The following CREB5 variants were observed in gnomAD, a reference collection of about 807,000 sequenced individuals.
CREB5 encodes the protein cAMP responsive element binding protein 5.
CREB5 carries 19 observed loss-of-function variants against 57.1 expected under a neutral mutation model. The observed-to-expected ratio is 0.33, with a 90% confidence interval of 0.23 to 0.49. The LOEUF is 0.49. Ranked by LOEUF, CREB5 falls within the 20% of genes least tolerant of loss-of-function variation. The pLI is 0.99. For synonymous variants in CREB5, 238 were observed against 238.3 expected (o/e 1.00, Z 0.01); for missense variants, 579 against 671.6 (o/e 0.86, Z 1.52).
At chr7:28,551,861 T>C (rs1794661248) in intron 4 of CREB5, among the ~76,000 whole-genome samples, 1 of 144,274 alleles carries the variant, frequency 6.9e-6, no homozygotes. Flanking sequence ...CTTTCTTTTC[T>C]TTCTTTCTTT....
intron 1 of CREB5, among the ~76,000 whole-genome samples, chr7:28,307,290 A>G (rs1785208069): frequency 6.6e-6 from 1 of 152,164 alleles, no homozygotes; most frequent in African/African-American, 2.4e-5. Flanking sequence ...ATCTGATTAG[A>G]CCATGAAGGC....
At position 28,737,570 on chromosome 7, in the gene CREB5, TATATATATA is replaced by T. The variant is rs1242408759; in HGVS notation, c.702+13239_702+13247del. On this transcript the variant is annotated intron_variant, in intron 7 of 10. Coordinates refer to ENST00000357727, the MANE Select transcript of CREB5 (RefSeq NM_182898.4). ...ATATATATATATATATATATATATA[TATATATATA>T]TATATATATTTTTAACTCCTGTTTC... is the stretch of plus-strand genomic sequence containing the variant. Among the ~76,000 whole-genome samples the T allele has an allele frequency of 7.1e-3, 343 of 47,976 alleles. 4 individuals are homozygous for T. Among genetic ancestry groups the T allele is most frequent in the Non-Finnish European group, 0.013 (251 of 19,062 alleles). 31.5% of individuals were successfully genotyped at this position (47,976 alleles called of 152,430 possible).
At position 28,473,669 on chromosome 7, in the gene CREB5, G is replaced by A. The variant is rs116391769; in HGVS notation, c.4-14506G>A. On this transcript the variant is annotated intron_variant, in intron 1 of 10. Transcript: ENST00000357727. The stretch of plus-strand genomic sequence containing the variant: ...TGGCTTTCCCAGATGCCTTAAGAAC[G>A]CTGACCCTGCACTGTGCTCGGCTGA... Among the ~76,000 whole-genome samples the A allele has an allele frequency of 4.3e-3, 660 of 152,348 alleles. 11 individuals carry two copies. The highest frequency in any genetic ancestry group is 0.014 in the African/African-American group (578 of 41,594).
At chr7:28,524,988 C>T (rs757942433) in intron 4 of CREB5, among the ~76,000 whole-genome samples, 3 of 147,748 alleles carry the variant, frequency 2.0e-5, no homozygotes, top group African/African-American at 4.9e-5. Context: ...ACCCCACCCC[C>T]GACCCTTCCC....
chr7:28,535,588 A>G (rs1793930278), intron 4 of CREB5, among the ~76,000 whole-genome samples: 1 of 152,040 alleles, frequency 6.6e-6, no homozygotes, highest in South Asian at 2.1e-4. Flanking sequence ...ATATTTATGT[A>G]GTGGTTATAC....
At chr7:28,521,445 T>C (rs1298416734) in intron 4 of CREB5, among the ~76,000 whole-genome samples, 2 of 152,188 alleles carry the variant, frequency 1.3e-5, no homozygotes, top group Non-Finnish European at 2.9e-5. Flanking sequence ...GAGAGCCACA[T>C]TGGAGCTCCG....
intron 4 of CREB5, among the ~76,000 whole-genome samples, chr7:28,560,925 C>CGTGCGT (rs1298003472): frequency 3.0e-5 from 1 of 33,480 alleles, no homozygotes; most frequent in African/African-American, 1.7e-4. Context: ...CGTGTGTGCG[C>CGTGCGT]GTGCGTGTGT....
intron 5 of CREB5, among the ~76,000 whole-genome samples, chr7:28,604,120 A>G (rs1797027526): frequency 1.3e-5 from 2 of 152,226 alleles, no homozygotes; most frequent in South Asian, 2.1e-4. Flanking sequence ...AGGGAAAAAA[A>G]GAAAATTAGA....
intron 10 of CREB5, chr7:28,818,830 A>G (rs1374438543): frequency 3.8e-6 from 2 of 530,254 alleles, no homozygotes; most frequent in Non-Finnish European, 3.6e-6. Flanking sequence ...TGGCTATTTA[A>G]AAAGACAAAA....
chr7:28,525,991 A>G (rs549627225), intron 4 of CREB5, among the ~76,000 whole-genome samples: 4 of 152,362 alleles, frequency 2.6e-5, no homozygotes, highest in South Asian at 4.1e-4. Flanking sequence ...ATGTATATCC[A>G]AGAATCAGAG....
At chr7:28,446,673 G>T (rs1421617312) in intron 1 of CREB5, among the ~76,000 whole-genome samples, 1 of 151,940 alleles carries the variant, frequency 6.6e-6, no homozygotes, top group East Asian at 1.9e-4. Flanking sequence ...GTGCCTGTAG[G>T]CCCAGCTACT....
chr7:28,674,462 C>T (rs1239367331), intron 5 of CREB5, among the ~76,000 whole-genome samples: 1 of 152,180 alleles, frequency 6.6e-6, no homozygotes, highest in Non-Finnish European at 1.5e-5. Context: ...CCTTCTCTGC[C>T]CACCTCTTAC....
chr7:28,819,531 T>TA lies in CREB5; in HGVS notation c.*253dup. ...TTTTCTCCAGTTTTCTGGTACCAGT[T>TA]ACTTGTTTATAAACTGAACCTTTTC... is the stretch of plus-strand genomic sequence containing the variant. On this transcript the variant is annotated 3_prime_UTR_variant, in exon 11 of 11. Transcript: ENST00000357727. The TA allele has an allele frequency of 2.4e-6, 1 of 415,404 alleles. No homozygotes were observed. Among genetic ancestry groups the TA allele is most frequent in the African/African-American group, 2.0e-5 (1 of 49,452 alleles). The allele number at this position is 415,404 out of a possible 1,614,324, so 25.7% of individuals were successfully genotyped here. A position where few individuals can be genotyped will look rare whatever the true frequency, so the allele number is the denominator to read the frequency against.
At chr7:28,746,458 G>A (rs1225150180) in intron 7 of CREB5, among the ~76,000 whole-genome samples, 2 of 152,188 alleles carry the variant, frequency 1.3e-5, no homozygotes, top group Non-Finnish European at 2.9e-5. Context: ...CTTTAGGAAT[G>A]CAGAATCCCT....
At chr7:28,688,126 A>G (rs1279054187) in intron 5 of CREB5, among the ~76,000 whole-genome samples, 1 of 152,200 alleles carries the variant, frequency 6.6e-6, no homozygotes, top group Non-Finnish European at 1.5e-5. Context: ...ACAGGAGTAT[A>G]TCTTTCCCCA....
chr7:28,537,270 T>C (rs1448454944), intron 4 of CREB5, among the ~76,000 whole-genome samples: 1 of 152,210 alleles, frequency 6.6e-6, no homozygotes, highest in Non-Finnish European at 1.5e-5. Context: ...CAAATTAACA[T>C]ATTTGTCATC....
chr7:28,357,880 T>G (rs1786378012), intron 1 of CREB5, among the ~76,000 whole-genome samples: 1 of 151,978 alleles, frequency 6.6e-6, no homozygotes, highest in African/African-American at 2.4e-5. Flanking sequence ...ATCTTTAAAG[T>G]GAAAGGAAAG....
intron 4 of CREB5, among the ~76,000 whole-genome samples, chr7:28,523,802 C>A (rs994776770): frequency 1.6e-4 from 24 of 152,230 alleles, no homozygotes; most frequent in Admixed American, 1.5e-3. Context: ...TCCATGAAGC[C>A]TTCTCTGATC....
chr7:28,458,086 CG>C (rs369461716), intron 1 of CREB5, among the ~76,000 whole-genome samples: 4 of 152,166 alleles, frequency 2.6e-5, no homozygotes, highest in South Asian at 2.1e-4. Flanking sequence ...GGCTCAGAAA[CG>C]GGGGGCCAAG....
Sources: allele counts gnomAD v4.1 joint callset (sites outside exome capture counted in the v4.1 genomes callset), GRCh38; gene constraint gnomAD v4.1.1; transcripts MANE v1.5; gene names NCBI Gene and HGNC (gene_info 2026-07-23, HGNC 2026-07-21).